RBPJL: variants seen among roughly 807,000 people sequenced by gnomAD.
RBPJL encodes recombining binding protein suppressor of hairless-like protein.
In RBPJL, 50 loss-of-function variants were observed where a neutral mutation model predicts 57.6. The observed-to-expected ratio is 0.87, with a 90% confidence interval of 0.69 to 1.10. The LOEUF (loss-of-function observed/expected upper bound fraction) is 1.10, where lower values mean the gene tolerates loss of function less well. RBPJL is among the 50% of genes least tolerant of loss of function. The probability of loss-of-function intolerance (pLI) is 0.00; values close to 1 mark genes in which losing one functional copy is unlikely to be tolerated. For synonymous variants in RBPJL, 303 were observed against 294.4 expected, an observed-to-expected ratio of 1.03 and a Z score of -0.30; for missense variants, 684 against 693.7, an observed-to-expected ratio of 0.99 and a Z score of 0.16.
rs1408776182 is a variant in RBPJL at position 45,316,520 on chromosome 20, A to G, written c.1220A>G (p.Glu407Gly). ...GDVATLELHGENFHAGLKVWF... is the reference protein window; with the variant it reads ...GDVATLELHGGNFHAGLKVWF... The stretch of plus-strand genomic sequence containing the variant: ...GTGGCCACGCTGGAGCTCCACGGAG[A>G]GAACTTCCACGCGGGGCTCAAGGTG... The change falls in exon 11 of 12, where the codon GAG (glutamate) becomes GGG (glycine). Residue 407 changes from glutamate to glycine, a missense_variant. By Grantham distance (98) the Glu-to-Gly change is moderately conservative (BLOSUM62 -2). Transcript: ENST00000343694. 1 of 1,542,808 alleles carries G rather than the reference A, an allele frequency of 6.5e-7. No homozygotes were observed. Among genetic ancestry groups the G allele is most frequent in the Non-Finnish European group, 8.7e-7 (1 of 1,144,624 alleles).
At position 45,316,486 on chromosome 20, in the gene RBPJL, G is replaced by A. The variant is rs1987473392; in HGVS notation, c.1186G>A (p.Gly396Arg). ...TCCCACCCTCCCCCAGCTGAGCGGC[G>A]GGGGCGACGTGGCCACGCTGGAGCT... The part of the protein sequence containing the change: ...PLISTLELSG[G>R]GDVATLELHG... Residue 396 changes from glycine (G) to arginine (R), a missense_variant, in exon 11 of 12, where the codon GGG becomes AGG. Physicochemically the swap from Gly to Arg is moderately radical, Grantham distance 125 (BLOSUM62 -2). Transcript: ENST00000343694. 1.3e-6 allele frequency: 2 copies of A among 1,546,936 alleles called. No individual in the cohort carries two copies. Among genetic ancestry groups the A allele is most frequent in the Non-Finnish European group, 8.7e-7 (1 of 1,145,770 alleles).
intron 2 of RBPJL, 82 bp downstream of exon 2, chr20:45,308,333 A>G: frequency 2.1e-6 from 2 of 934,240 alleles, no homozygotes; most frequent in Non-Finnish European, 3.5e-6. Context: ...CATTTAACCC[A>G]GGGCTGGCGG....
At position 45,316,214 on chromosome 20, in the gene RBPJL, A is replaced by G; in HGVS notation, c.1048A>G (p.Arg350Gly). Residue 350 changes from arginine to glycine, a missense_variant, in exon 10 of 12, where the codon AGG becomes GGG. By Grantham distance (125) the Arg-to-Gly change is moderately radical. Coordinates refer to ENST00000343694, the MANE Select transcript of RBPJL (RefSeq NM_014276.4). ...CTCTCCCTGCCCCAAGGAGGCGAAC[A>G]GGGCTCTGCTTAACGACAGCTCTTG... The part of the protein sequence containing the change: ...QASPCPKEAN[R>G]ALLNDSSCWT... The G allele has an allele frequency of 6.2e-7, 1 of 1,614,184 alleles. No homozygotes were observed. Among genetic ancestry groups the G allele is most frequent in the South Asian group, 1.1e-5 (1 of 91,084 alleles).
At chr20:45,311,780 C>G (rs139518779) in intron 4 of RBPJL, 59 bp from the exon 5 acceptor site, 2 of 1,532,844 alleles carry the variant, frequency 1.3e-6, no homozygotes, top group East Asian at 4.8e-5. Flanking sequence ...GAGCGCTAAG[C>G]TTGCCTGGCA....
In RBPJL at chr20:45,313,535, C is replaced by A; in HGVS notation, c.687C>A (p.Arg229=). ...TGCGCTCTCAGACGGTCTCCACACG[C>A]TACCTCTCTGTGGAGGATGGGGCCT... ...NRLRSQTVST[R]YLSVEDGAFV... is the part of the protein sequence containing the mutation. Residue 229 remains arginine, a synonymous_variant, in exon 7 of 12, where the codon CGC becomes CGA. Transcript: ENST00000343694. 6.2e-7 allele frequency: 1 copy of A among 1,614,148 alleles called. No individual in the cohort carries two copies. The highest frequency in any genetic ancestry group is 8.5e-7 in the Non-Finnish European group (1 of 1,180,010).
rs559572904 is a variant in RBPJL, at chr20:45,317,152, G to A, written c.*193G>A. ...TCCCTTGTCCTTACACATACAGGAAGACAAGACCTGAGTGGTGCTGTCTTT... is the reference window on the plus strand; with the variant it reads ...TCCCTTGTCCTTACACATACAGGAAAACAAGACCTGAGTGGTGCTGTCTTT... On this transcript the variant is annotated 3_prime_UTR_variant, in exon 12 of 12. Transcript: ENST00000343694. 3.2e-6 allele frequency: 2 copies of A among 626,060 alleles called. No individual in the cohort carries two copies. The highest frequency in any genetic ancestry group is 2.8e-5 in the East Asian group (1 of 36,010). The allele number at this position is 626,060 out of a possible 1,614,324, so 38.8% of individuals were successfully genotyped here.
chr20:45,314,183 G>A (rs1987340553), intron 8 of RBPJL, 39 bp downstream of exon 8: 1 of 1,539,494 alleles, frequency 6.5e-7, no homozygotes, highest in Non-Finnish European at 9.0e-7. Flanking sequence ...GGTCCCCTCA[G>A]ATCCATGCAG....
intron 3 of RBPJL, among the ~76,000 whole-genome samples, chr20:45,310,700 G>A (rs1987123954): frequency 6.6e-6 from 1 of 152,224 alleles, no homozygotes; most frequent in African/African-American, 2.4e-5. Flanking sequence ...GCTGAAATCA[G>A]AGGGAGGAGT....
At chr20:45,311,809 C>G in intron 4 of RBPJL, 30 bp from the exon 5 acceptor site, 7 of 1,540,784 alleles carry the variant, frequency 4.5e-6, no homozygotes, top group Non-Finnish European at 6.2e-6. Flanking sequence ...CTCCCGAGTC[C>G]TTGCAGAGCC....
intron 1 of RBPJL, among the ~76,000 whole-genome samples, chr20:45,307,568 C>T (rs1050377148): frequency 6.6e-6 from 1 of 152,214 alleles, no homozygotes; most frequent in Non-Finnish European, 1.5e-5. Context: ...TACTTTCCTA[C>T]CCGGAGATGC....
chr20:45,314,714 C>A, intron 9 of RBPJL, 149 bp downstream of exon 9: 1 of 695,430 alleles, frequency 1.4e-6, no homozygotes, highest in Non-Finnish European at 2.4e-6. Context: ...AGGACAGAAT[C>A]ATAGGATGTA....
intron 6 of RBPJL, among the ~76,000 whole-genome samples, chr20:45,312,946 T>G (rs1987262243): frequency 6.6e-6 from 1 of 150,588 alleles, no homozygotes; most frequent in Non-Finnish European, 1.5e-5. Context: ...AGGTCGAGGC[T>G]GCAGTGAGCT....
At chr20:45,311,521 C>T in intron 3 of RBPJL, 68 bp from the exon 4 acceptor site, 1 of 1,472,202 alleles carries the variant, frequency 6.8e-7, no homozygotes, top group Non-Finnish European at 9.5e-7. Flanking sequence ...ATGCTACTAC[C>T]TTGCCGTGCT....
intron 5 of RBPJL, 67 bp from the exon 6 acceptor site, chr20:45,312,154 G>A: frequency 1.9e-6 from 3 of 1,606,640 alleles, no homozygotes; most frequent in Non-Finnish European, 1.7e-6. Context: ...CCGATATCTG[G>A]GAGAGGTTGG....
intron 5 of RBPJL, 24 bp from the exon 6 acceptor site, chr20:45,312,197 G>C: frequency 6.2e-7 from 1 of 1,613,870 alleles, no homozygotes; most frequent in Non-Finnish European, 8.5e-7. Flanking sequence ...GGATGAGATG[G>C]CCCTGTACCT....
intron 1 of RBPJL, 85 bp from the exon 2 acceptor site, chr20:45,308,058 C>T: frequency 1.2e-6 from 1 of 867,628 alleles, no homozygotes; most frequent in Non-Finnish European, 1.9e-6. Context: ...TGGGGAAGGG[C>T]ACTGCAAATC....
intron 3 of RBPJL, 111 bp from the exon 4 acceptor site, chr20:45,311,478 G>A (rs1568889695): frequency 2.1e-6 from 2 of 949,400 alleles, no homozygotes; most frequent in Non-Finnish European, 3.3e-6. Context: ...GTTGCGGGGA[G>A]CGGGAGGAGG....
intron 6 of RBPJL, 86 bp downstream of exon 6, chr20:45,312,481 G>C: frequency 1.4e-6 from 2 of 1,381,768 alleles, no homozygotes; most frequent in Non-Finnish European, 2.0e-6. Context: ...GGAGGTGGGG[G>C]TAGGCTGGGC....
rs34866813 is a variant in RBPJL at position 45,311,620 on chromosome 20, T to C, written c.289T>C (p.Ser97Pro). Residue 97 changes from serine to proline, a missense_variant, in exon 4 of 12, where the codon TCG becomes CCG. By Grantham distance (74) the Ser-to-Pro change is moderately conservative. Coordinates refer to ENST00000343694, the MANE Select transcript of RBPJL (RefSeq NM_014276.4). The stretch of plus-strand genomic sequence containing the variant: ...CTGCCCCCCGCCCTGTGTCTACCTC[T>C]CGGGGCCTGGCTGGAGGGTGAAGCC... ...FFCPPPCVYLSGPGWRVKPGQ... is the reference protein window; with the variant it reads ...FFCPPPCVYLPGPGWRVKPGQ... 4,446 of 1,614,130 alleles carry C rather than the reference T, an allele frequency of 2.8e-3. 2 individuals are homozygous for C. The highest frequency in any genetic ancestry group is 3.3e-3 in the Non-Finnish European group (3,880 of 1,180,022).
Sources: gnomAD v4.1 joint callset for allele counts (sites outside exome capture counted in the v4.1 genomes callset) on GRCh38, gnomAD v4.1.1 for gene constraint, MANE v1.5 for transcripts, NCBI Gene and HGNC (gene_info 2026-07-23, HGNC 2026-07-21) for gene names.